DOCK11: variants seen among roughly 807,000 people sequenced by gnomAD.
DOCK11 encodes dedicator of cytokinesis protein 11.
Under a neutral mutation model 169.1 loss-of-function variants are expected in DOCK11, and 70 were observed. The observed-to-expected ratio is 0.41, with a 90% CI of 0.34 to 0.51. The LOEUF is 0.51. Among genes scored for constraint, DOCK11 ranks in the 20% least tolerant of loss-of-function variants. DOCK11 has a pLI of 0.10. For missense variants in DOCK11, 1,166 were observed against 1,538.8 expected (o/e 0.76, Z 4.05); for synonymous variants, 529 against 541.3 (o/e 0.98, Z 0.32).
At chrX:118,535,909 T>C (rs1274262271) in intron 1 of DOCK11, among the ~76,000 whole-genome samples, 1 of 111,762 alleles carries the variant, frequency 8.9e-6, no homozygotes, top group Non-Finnish European at 1.9e-5. Flanking sequence ...GGAGTTCCTA[T>C]TGGGGAAGAG....
intron 6 of DOCK11, 52 bp from the exon 7 acceptor site, chrX:118,561,331 A>AAT (rs1419615629): frequency 3.8e-6 from 4 of 1,061,594 alleles, no homozygotes; most frequent in Non-Finnish European, 4.9e-6. Context: ...GAAACTATTC[A>AAT]AATGCAATGT....
intron 46 of DOCK11, among the ~76,000 whole-genome samples, chrX:118,671,454 G>T (rs867160737): frequency 9.3e-6 from 1 of 107,051 alleles, no homozygotes; most frequent in African/African-American, 3.4e-5. Flanking sequence ...ATTACACAAT[G>T]TTGGCATGTA....
At chrX:118,647,526 ATATAATAT>A (rs1411530053) in intron 40 of DOCK11, among the ~76,000 whole-genome samples, 5 of 47,571 alleles carry the variant, frequency 1.1e-4, no homozygotes, top group African/African-American at 6.2e-4. Flanking sequence ...ATAATATATA[ATATAATAT>A]TATATATTAT....
intron 1 of DOCK11, among the ~76,000 whole-genome samples, chrX:118,528,548 G>A (rs992802377): frequency 4.5e-5 from 5 of 111,545 alleles, no homozygotes; most frequent in African/African-American, 1.6e-4. Flanking sequence ...CACCTTGATA[G>A]CAAACACTAT....
intron 1 of DOCK11, among the ~76,000 whole-genome samples, chrX:118,508,047 T>G (rs1384509340): frequency 3.0e-5 from 3 of 100,284 alleles, no homozygotes; most frequent in African/African-American, 1.1e-4. Flanking sequence ...AGTGGGAAAG[T>G]AGGAGGTGAG....
At chrX:118,524,832 C>A (rs5956068) in intron 1 of DOCK11, among the ~76,000 whole-genome samples, 6,225 of 110,992 alleles carry the variant, frequency 0.056, 428 homozygotes, top group African/African-American at 0.19. Flanking sequence ...TAAGTGGTTC[C>A]TCAGAAAGTT....
chrX:118,673,738 C>T (rs1451193581), intron 46 of DOCK11, among the ~76,000 whole-genome samples: 1 of 110,819 alleles, frequency 9.0e-6, no homozygotes, highest in African/African-American at 3.3e-5. Context: ...ATGCACCCAC[C>T]ACCTCTTTCT....
At chrX:118,574,419 A>G in intron 12 of DOCK11, among the ~76,000 whole-genome samples, 2 of 110,853 alleles carry the variant, frequency 1.8e-5, no homozygotes, top group Admixed American at 1.9e-4. Context: ...TACCAAAAAA[A>G]TTAGCCAGGC....
At chrX:118,582,655 T>C (rs1033018162) in intron 14 of DOCK11, among the ~76,000 whole-genome samples, 16 of 111,794 alleles carry the variant, frequency 1.4e-4, no homozygotes, top group African/African-American at 5.2e-4. Flanking sequence ...AAGACATTTA[T>C]GTGGCCAACA....
chrX:118,648,174 T>C (rs1371694874), intron 40 of DOCK11, among the ~76,000 whole-genome samples: 4 of 68,515 alleles, frequency 5.8e-5, no homozygotes, highest in Non-Finnish European at 9.8e-5. Context: ...ATATATAATA[T>C]AATAGTAATA....
At chrX:118,585,633 A>G (rs2013793806) in intron 16 of DOCK11, among the ~76,000 whole-genome samples, 1 of 108,553 alleles carries the variant, frequency 9.2e-6, no homozygotes, top group South Asian at 4.2e-4. Flanking sequence ...CCCAGTATGC[A>G]CGATGAATAG....
intron 1 of DOCK11, among the ~76,000 whole-genome samples, chrX:118,502,517 G>A (rs1043448927): frequency 4.5e-5 from 5 of 111,156 alleles, no homozygotes; most frequent in South Asian, 7.6e-4. Flanking sequence ...AGTTTTCTAT[G>A]TCCTACTTAA....
At chrX:118,629,648 AATTT>A (rs1275513439) in intron 34 of DOCK11, among the ~76,000 whole-genome samples, 2 of 109,258 alleles carry the variant, frequency 1.8e-5, no homozygotes, top group East Asian at 2.9e-4. Flanking sequence ...CCCATTTTTT[AATTT>A]ATTTATAGTT....
intron 36 of DOCK11, among the ~76,000 whole-genome samples, chrX:118,637,276 A>G (rs1485989633): frequency 9.0e-6 from 1 of 111,441 alleles, no homozygotes; most frequent in Non-Finnish European, 1.9e-5. Flanking sequence ...AGGTCAAACA[A>G]GAATAGCCAT....
intron 24 of DOCK11, among the ~76,000 whole-genome samples, chrX:118,607,418 A>ATT (rs56374019): frequency 0.031 from 1,573 of 51,196 alleles, 127 homozygotes; most frequent in Non-Finnish European, 0.04. Context: ...CCGGGCCTTC[A>ATT]TTTTTTTTTT....
intron 41 of DOCK11, among the ~76,000 whole-genome samples, chrX:118,649,419 T>C (rs2015893991): frequency 8.9e-6 from 1 of 112,895 alleles, no homozygotes; most frequent in Admixed American, 9.4e-5. Flanking sequence ...GTGTGGCTAC[T>C]AGGTAATTGA....
intron 46 of DOCK11, 71 bp from the exon 47 acceptor site, chrX:118,675,865 G>C: frequency 1.6e-6 from 1 of 608,834 alleles, no homozygotes; most frequent in Non-Finnish European, 2.5e-6. Flanking sequence ...TTTTATTTTT[G>C]TACATTCATC....
chrX:118,620,378 C>T (rs759443622), intron 31 of DOCK11, among the ~76,000 whole-genome samples: 1 of 111,704 alleles, frequency 9.0e-6, no homozygotes, highest in Non-Finnish European at 1.9e-5. Context: ...TCTTTTTCTA[C>T]GGTATTCCCA....
In DOCK11 at chrX:118,663,674, C is replaced by CTTTTTT. The variant is rs751159854; in HGVS notation, c.5076+899_5076+904dup. ...TAGAATATTAAATTGGCATCAAAGTCTTTTTTTTTTTTTTTTTTTTTTATG... is the reference window on the plus strand; with the variant it reads ...TAGAATATTAAATTGGCATCAAAGTCTTTTTTTTTTTTTTTTTTTTTTTTTTTTATG... On this transcript the variant is annotated intron_variant, in intron 45 of 52. Coordinates refer to ENST00000276202, the MANE Select transcript of DOCK11 (RefSeq NM_144658.4). 5.0e-5 allele frequency among the ~76,000 whole-genome samples: 3 copies of CTTTTTT among 60,031 alleles called. 1 individual carries two copies. The highest frequency in any genetic ancestry group is 8.9e-5 in the Non-Finnish European group (3 of 33,710). 52.1% of individuals were successfully genotyped at this position (60,031 alleles called of 115,157 possible).
Sources: gnomAD v4.1 joint callset for allele counts (sites outside exome capture counted in the v4.1 genomes callset) on GRCh38, gnomAD v4.1.1 for gene constraint, MANE v1.5 for transcripts, NCBI Gene and HGNC (gene_info 2026-07-23, HGNC 2026-07-21) for gene names.